SLIT3: variants seen among roughly 807,000 people sequenced by gnomAD.
SLIT3 encodes slit homolog 3 protein.
Under a neutral mutation model 184.0 loss-of-function variants are expected in SLIT3, and 68 were observed. That is an observed-to-expected ratio of 0.37 (90% CI 0.30 to 0.45). The LOEUF (loss-of-function observed/expected upper bound fraction) is 0.45. SLIT3 is among the 20% of genes least tolerant of loss of function. The pLI is 1.00. For missense variants in SLIT3, 1,707 were observed against 2,026.0 expected (o/e 0.84, Z 3.02); for synonymous variants, 831 against 828.6 (o/e 1.00, Z -0.05).
At chr5:168,812,564 A>G (rs949925356) in intron 8 of SLIT3, among the ~76,000 whole-genome samples, 1 of 152,256 alleles carries the variant, frequency 6.6e-6, no homozygotes, top group East Asian at 1.9e-4. Flanking sequence ...GTAAAAGTGC[A>G]GAGTCAAAAG....
intron 1 of SLIT3, among the ~76,000 whole-genome samples, chr5:169,297,491 C>G (rs1767548140): frequency 6.6e-6 from 1 of 152,192 alleles, no homozygotes; most frequent in South Asian, 2.1e-4. Context: ...CACACACACA[C>G]AAATCCCTTC....
chr5:168,937,987 C>T (rs1295726833), intron 4 of SLIT3, among the ~76,000 whole-genome samples: 1 of 151,908 alleles, frequency 6.6e-6, no homozygotes, highest in Non-Finnish European at 1.5e-5. Flanking sequence ...ACAATGCAGT[C>T]ATAAATCCAG....
chr5:168,882,358 G>A (rs1426498412), intron 5 of SLIT3, among the ~76,000 whole-genome samples: 4 of 152,150 alleles, frequency 2.6e-5, no homozygotes, highest in Non-Finnish European at 5.9e-5. Context: ...AGGGGCCCAG[G>A]AGTCACGAAT....
intron 4 of SLIT3, among the ~76,000 whole-genome samples, chr5:169,049,300 C>T (rs927437861): frequency 6.6e-6 from 1 of 151,864 alleles, no homozygotes; most frequent in Admixed American, 6.6e-5. Context: ...CTATGTTCGA[C>T]GTGGTGGGGG....
chr5:168,887,126 G>A (rs1048840077), intron 4 of SLIT3, among the ~76,000 whole-genome samples: 14 of 151,938 alleles, frequency 9.2e-5, no homozygotes, highest in Admixed American at 9.2e-4. Flanking sequence ...GCTTCCTGGG[G>A]CTCTCCCTGC....
chr5:168,930,317 A>AT (rs1160022130), intron 4 of SLIT3, among the ~76,000 whole-genome samples: 1 of 152,116 alleles, frequency 6.6e-6, no homozygotes, highest in Non-Finnish European at 1.5e-5. Context: ...ACCCTTGTTA[A>AT]TTTTCTCTAC....
At chr5:168,743,101 G>T (rs1236477041) in intron 20 of SLIT3, among the ~76,000 whole-genome samples, 1 of 152,188 alleles carries the variant, frequency 6.6e-6, no homozygotes, top group Non-Finnish European at 1.5e-5. Flanking sequence ...GGCATGTTCA[G>T]GTTCTGTCCC....
intron 4 of SLIT3, among the ~76,000 whole-genome samples, chr5:169,172,859 G>C (rs1762859481): frequency 6.6e-6 from 1 of 152,180 alleles, no homozygotes; most frequent in Non-Finnish European, 1.5e-5. Flanking sequence ...TCTCGGAGTT[G>C]GAGTATGGCT....
intron 4 of SLIT3, among the ~76,000 whole-genome samples, chr5:169,006,597 T>A (rs142807045): frequency 0.034 from 5,024 of 148,702 alleles, 109 homozygotes; most frequent in Middle Eastern, 0.059. Context: ...TCTCTCTCTC[T>A]CTCTCTCTCA....
At chr5:168,745,850 A>G (rs953384426) in intron 20 of SLIT3, among the ~76,000 whole-genome samples, 1 of 152,192 alleles carries the variant, frequency 6.6e-6, no homozygotes, top group African/African-American at 2.4e-5. Flanking sequence ...AAATTGCCAT[A>G]GCCACCCAAT....
chr5:169,051,753 A>G (rs1757823339), intron 4 of SLIT3, among the ~76,000 whole-genome samples: 1 of 152,148 alleles, frequency 6.6e-6, no homozygotes, highest in Non-Finnish European at 1.5e-5. Context: ...TTCCAAGGAG[A>G]GCCTAAATCT....
At chr5:169,036,564 T>A (rs1383000584) in intron 4 of SLIT3, 2 of 152,186 alleles carry the variant, frequency 1.3e-5, no homozygotes, top group East Asian at 3.9e-4. Context: ...AATTTCCGAA[T>A]AGGGCAATGT....
At chr5:169,148,656 TC>T (rs1762013973) in intron 4 of SLIT3, among the ~76,000 whole-genome samples, 1 of 152,324 alleles carries the variant, frequency 6.6e-6, no homozygotes, top group African/African-American at 2.4e-5. Context: ...GCATAAACAA[TC>T]CCTGACCTCG....
At chr5:168,883,186 G>T in intron 5 of SLIT3, 79 bp downstream of exon 5, 1 of 1,154,884 alleles carries the variant, frequency 8.7e-7, no homozygotes, top group Non-Finnish European at 1.3e-6. Flanking sequence ...CCACCCTCTT[G>T]TCCCATCCCT....
intron 1 of SLIT3, among the ~76,000 whole-genome samples, chr5:169,281,311 T>A (rs1766985467): frequency 6.6e-6 from 1 of 152,176 alleles, no homozygotes; most frequent in Non-Finnish European, 1.5e-5. Context: ...ACCCCGTCTC[T>A]ACTAAAAATA....
chr5:169,249,325 G>A (rs1241593641), intron 2 of SLIT3, among the ~76,000 whole-genome samples: 1 of 152,038 alleles, frequency 6.6e-6, no homozygotes, highest in Non-Finnish European at 1.5e-5. Flanking sequence ...AAGGCTTTTT[G>A]GCATTGCTTA....
intron 4 of SLIT3, among the ~76,000 whole-genome samples, chr5:169,020,066 T>C (rs1233747607): frequency 6.6e-6 from 1 of 152,228 alleles, no homozygotes; most frequent in Non-Finnish European, 1.5e-5. Flanking sequence ...ATTTAGTTTT[T>C]TTACATATCG....
At chr5:168,843,322 C>A (rs984701732) in intron 6 of SLIT3, among the ~76,000 whole-genome samples, 1 of 152,156 alleles carries the variant, frequency 6.6e-6, no homozygotes, top group Admixed American at 6.5e-5. Context: ...TTCACTCATT[C>A]TCTCACATAC....
At chr5:169,157,380 A>C (rs1432810723) in intron 4 of SLIT3, among the ~76,000 whole-genome samples, 1 of 152,222 alleles carries the variant, frequency 6.6e-6, no homozygotes, top group Non-Finnish European at 1.5e-5. Flanking sequence ...TGTGGGAAAC[A>C]GTAATAAGGC....
Sources: allele counts gnomAD v4.1 joint callset (sites outside exome capture counted in the v4.1 genomes callset), GRCh38; gene constraint gnomAD v4.1.1; transcripts MANE v1.5; gene names NCBI Gene and HGNC (gene_info 2026-07-23, HGNC 2026-07-21).